Variants in DPH6 observed in about 807,000 individuals in gnomAD.
The protein encoded by DPH6 is diphthamine biosynthesis 6, also known as diphthine--ammonia ligase.
DPH6 carries 33 observed loss-of-function variants against 38.2 expected under a neutral mutation model. The observed-to-expected ratio is 0.86, with a 90% CI of 0.65 to 1.15. DPH6 has a LOEUF of 1.15. DPH6 is among the 50% of genes most tolerant of loss of function. DPH6 has a pLI of 0.00. For missense variants in DPH6, 325 were observed against 320.0 expected, an observed-to-expected ratio of 1.02 and a Z score of -0.12; for synonymous variants, 108 against 103.0, an observed-to-expected ratio of 1.05 and a Z score of -0.30.
intron 5 of DPH6, among the ~76,000 whole-genome samples, chr15:35,412,829 G>C (rs531961156): frequency 7.3e-5 from 11 of 151,720 alleles, no homozygotes; most frequent in Middle Eastern, 3.4e-3. Context: ...TTTGGGTAGG[G>C]GGCAGACAAG....
In DPH6 at chr15:35,353,908, A is replaced by C. The variant is rs1452724540; in HGVS notation, n.207+19613T>G. On this transcript the variant is annotated intron_variant and non_coding_transcript_variant, in intron 3 of 3. Transcript: ENST00000558973. Reference sequence around the variant, plus strand: ...TTCACGATATTGATTCTTCCTATCCATAAGCATGGAATGTTCTTCCATTTA... The same window carrying C: ...TTCACGATATTGATTCTTCCTATCCCTAAGCATGGAATGTTCTTCCATTTA... Among the ~76,000 whole-genome samples, 4 of 152,234 alleles carry C rather than the reference A, an allele frequency of 2.6e-5. No homozygotes were observed. In the South Asian group the frequency reaches 8.3e-4, roughly 32 times the overall value.
chr15:35,406,045 T>C (rs1015636411), intron 6 of DPH6, among the ~76,000 whole-genome samples: 1 of 152,100 alleles, frequency 6.6e-6, no homozygotes, highest in African/African-American at 2.4e-5. Context: ...TTATATTTAA[T>C]ACACACTATT....
chr15:35,376,964 T>C (rs553029906), intron 7 of DPH6, among the ~76,000 whole-genome samples: 10 of 152,294 alleles, frequency 6.6e-5, no homozygotes, highest in Admixed American at 3.9e-4. Context: ...CACTTTCTCA[T>C]ACATGCATAC....
intron 3 of DPH6, among the ~76,000 whole-genome samples, chr15:35,338,789 C>G (rs1322531759): frequency 6.6e-6 from 1 of 152,196 alleles, no homozygotes; most frequent in Non-Finnish European, 1.5e-5. Context: ...ACTCAAATGT[C>G]TGACAATGAT....
At chr15:35,151,821 T>C in the DPH6 span, among the ~76,000 whole-genome samples, 8 of 152,250 alleles carry the variant, frequency 5.3e-5, no homozygotes, top group African/African-American at 1.4e-4. Context: ...ATGCTAATCA[T>C]ACAAATGATA....
At chr15:35,213,396 A>G (rs1182954680), downstream of DPH6, among the ~76,000 whole-genome samples, 2 of 152,208 alleles carry the variant, frequency 1.3e-5, no homozygotes, top group African/African-American at 4.8e-5. Context: ...AATAAAGATA[A>G]TTCATTGTAG....
At chr15:35,521,551 G>A (rs1197487534) in intron 3 of DPH6, 2 of 1,224,594 alleles carry the variant, frequency 1.6e-6, no homozygotes, top group Non-Finnish European at 2.0e-6. Flanking sequence ...AAATCTAAGA[G>A]AAAGTGTCAT....
rs149792117 is a variant in DPH6 at position 35,314,791 on chromosome 15, C to T, written n.200+58730G>A. 2.5e-3 allele frequency among the ~76,000 whole-genome samples: 377 copies of T among 152,184 alleles called. 1 individual carries two copies. The highest frequency in any genetic ancestry group is 8.3e-3 in the African/African-American group (346 of 41,534). On this transcript the variant is annotated intron_variant and non_coding_transcript_variant, in intron 3 of 3. Transcript: ENST00000560386. Reference sequence around the variant, plus strand: ...AAAAAAAATCATTGTATTGAAGTGTCGTCTTCTCTTTTTCTGTGCAACAAT... The same window carrying T: ...AAAAAAAATCATTGTATTGAAGTGTTGTCTTCTCTTTTTCTGTGCAACAAT...
intron 3 of DPH6, among the ~76,000 whole-genome samples, chr15:35,290,038 T>A (rs530251164): frequency 6.6e-6 from 1 of 152,252 alleles, no homozygotes; most frequent in African/African-American, 2.4e-5. Flanking sequence ...CACACTAAAG[T>A]TGAAAAGAAA....
rs533449231 is a variant in DPH6 at position 35,346,794 on chromosome 15, G to T, written n.208-15717C>A. ...TGCTTTAATATTACTTCACAATTTTGATATGTGAATTTTTTCATTAGCTTA... is the reference window on the plus strand; with the variant it reads ...TGCTTTAATATTACTTCACAATTTTTATATGTGAATTTTTTCATTAGCTTA... On this transcript the variant is annotated intron_variant and non_coding_transcript_variant, in intron 3 of 3. Coordinates refer to the DPH6 transcript ENST00000558973. 7.9e-5 allele frequency among the ~76,000 whole-genome samples: 12 copies of T among 152,014 alleles called. No homozygotes were observed. In the South Asian group the frequency reaches 2.5e-3, roughly 32 times the overall value.
At chr15:35,162,545 G>C in the DPH6 span, among the ~76,000 whole-genome samples, 1 of 151,772 alleles carries the variant, frequency 6.6e-6, no homozygotes, top group African/African-American at 2.4e-5. Flanking sequence ...ACTTCATCTA[G>C]GTCTGTACAA....
At chr15:35,268,466 C>G (rs1202160498) in intron 3 of DPH6, among the ~76,000 whole-genome samples, 1 of 150,810 alleles carries the variant, frequency 6.6e-6, no homozygotes, top group Non-Finnish European at 1.5e-5. Flanking sequence ...ACAAAATATT[C>G]AAAAGTGACT....
intron 3 of DPH6, among the ~76,000 whole-genome samples, chr15:35,222,004 TTGCCACTTATAATAAGGA>T (rs1324210606): frequency 3.3e-5 from 5 of 152,358 alleles, no homozygotes; most frequent in African/African-American, 1.2e-4. Flanking sequence ...GCCAAGTTCT[TTGCCACTTATAATAAGGA>T]TGGCCTTAAC....
intron 3 of DPH6, chr15:35,489,932 CA>C: frequency 1.0e-6 from 1 of 974,494 alleles, no homozygotes; most frequent in Non-Finnish European, 1.2e-6. Context: ...TTAAAAGTAT[CA>C]AAAAGAAACT....
At chr15:35,239,593 T>C (rs973875891) in intron 3 of DPH6, among the ~76,000 whole-genome samples, 6 of 142,074 alleles carry the variant, frequency 4.2e-5, no homozygotes, top group African/African-American at 1.5e-4. Context: ...CTGCCTTTCC[T>C]GGGGCGGGGG....
intron 3 of DPH6, among the ~76,000 whole-genome samples, chr15:35,476,150 G>A (rs16961056): frequency 0.079 from 11,978 of 151,672 alleles, 638 homozygotes; most frequent in African/African-American, 0.14. Context: ...CTAGCTGATC[G>A]AGATCTCATC....
At chr15:35,472,729 AGAC>A (rs1297700812) in intron 3 of DPH6, among the ~76,000 whole-genome samples, 1 of 152,170 alleles carries the variant, frequency 6.6e-6, no homozygotes, top group Non-Finnish European at 1.5e-5. Flanking sequence ...AATCAGCAAG[AGAC>A]AAGTCCCAAC....
At chr15:35,506,700 C>T (rs1353655896) in intron 3 of DPH6, among the ~76,000 whole-genome samples, 3 of 152,166 alleles carry the variant, frequency 2.0e-5, no homozygotes, top group Non-Finnish European at 4.4e-5. Flanking sequence ...AGCTCATTGT[C>T]ATGATTTTTA....
chr15:35,366,228 T>TTGTGTGTG (rs10525441), downstream of DPH6, among the ~76,000 whole-genome samples: 5,676 of 144,282 alleles, frequency 0.039, 320 homozygotes, highest in African/African-American at 0.13. Flanking sequence ...TTTAGTCATC[T>TTGTGTGTG]TGTGTGTGTG....
Sources: allele counts gnomAD v4.1 joint callset (sites outside exome capture counted in the v4.1 genomes callset), GRCh38; gene constraint gnomAD v4.1.1; transcripts MANE v1.5; gene names NCBI Gene and HGNC (gene_info 2026-07-23, HGNC 2026-07-21).